Variants in ARHGAP4 observed in about 807,000 individuals in gnomAD.
ARHGAP4 encodes the protein Rho GTPase activating protein 4.
In ARHGAP4, 25 loss-of-function variants were observed where a neutral mutation model predicts 67.6. That is an observed-to-expected ratio of 0.37 (90% CI 0.27 to 0.52). The LOEUF is 0.52. Among genes scored for constraint, ARHGAP4 ranks in the 20% least tolerant of loss-of-function variants. The pLI is 0.92. For synonymous variants in ARHGAP4, 448 were observed against 373.7 expected, an observed-to-expected ratio of 1.20 and a Z score of -2.29; for missense variants, 804 against 854.6, an observed-to-expected ratio of 0.94 and a Z score of 0.74.
chrX:153,926,027 T>C, intron 1 of ARHGAP4, 109 bp downstream of exon 1: 2 of 1,052,358 alleles, frequency 1.9e-6, no homozygotes, highest in Non-Finnish European at 2.5e-6. Flanking sequence ...GCTCCAGAGG[T>C]CGCTGGGGAG....
chrX:153,909,385 T>C (rs2148517691), intron 20 of ARHGAP4, 58 bp downstream of exon 20: 1 of 1,091,145 alleles, frequency 9.2e-7, no homozygotes, highest in East Asian at 3.1e-5. Flanking sequence ...CTGACCCCAG[T>C]CCCCTCTGGC....
chrX:153,913,627 T>C, intron 8 of ARHGAP4, 27 bp from the exon 9 acceptor site: 1 of 1,188,225 alleles, frequency 8.4e-7, no homozygotes, highest in Non-Finnish European at 1.1e-6. Flanking sequence ...ACCAGGGTGG[T>C]AAGAGGTGGG....
chrX:153,921,321 C>T, intron 3 of ARHGAP4, 44 bp downstream of exon 3: 1 of 1,208,560 alleles, frequency 8.3e-7, no homozygotes. Flanking sequence ...CCTCCTGATC[C>T]CAAAGCCTCG....
intron 7 of ARHGAP4, chrX:153,914,201 G>T: frequency 3.6e-6 from 1 of 274,073 alleles, no homozygotes; most frequent in South Asian, 6.4e-5. Flanking sequence ...CAAATCCATA[G>T]AGACAGGAAG....
Position 153,909,742 on chromosome X carries a change from C to A in ARHGAP4, c.2413G>T (p.Gly805Trp), listed in dbSNP as rs200880463. 1 of 1,184,920 alleles carries A rather than the reference C, an allele frequency of 8.4e-7. No individual in the cohort carries two copies. The highest frequency in any genetic ancestry group is 1.1e-6 in the Non-Finnish European group (1 of 882,880). The part of the protein sequence containing the change: ...IPHKYITLPA[G>W]TEKQVVGAGL... Reference sequence around the variant, plus strand: ...GGCCTGAGGGCGCGGCTCACTCACCCGGCGGGCAGCGTGATATACTTGTGG... The same window carrying A: ...GGCCTGAGGGCGCGGCTCACTCACCAGGCGGGCAGCGTGATATACTTGTGG... The change falls in exon 19 of 22, where the codon GGG becomes TGG. Residue 805 changes from glycine to tryptophan, a missense_variant and splice_region_variant. Physicochemically the swap from Gly to Trp is radical, Grantham distance 184. This residue lies in a region of ARHGAP4 where 400 missense variants were observed against 348.7 expected (regional missense o/e 1.15). Transcript: ENST00000350060.
At chrX:153,913,982 C>A (rs782495569) in intron 7 of ARHGAP4, 103 bp from the exon 8 acceptor site, 2 of 722,685 alleles carry the variant, frequency 2.8e-6, no homozygotes, top group Non-Finnish European at 4.2e-6. Flanking sequence ...GGCCTGGCGG[C>A]CGGGCACAGG....
intron 5 of ARHGAP4, chrX:153,919,678 G>C (rs782280292): frequency 8.6e-7 from 1 of 1,159,697 alleles, no homozygotes; most frequent in South Asian, 1.9e-5. Context: ...GCCTCTGCGG[G>C]GGCCAGAGCT....
At chrX:153,916,791 T>C (rs2065058234) in intron 7 of ARHGAP4, among the ~76,000 whole-genome samples, 1 of 112,927 alleles carries the variant, frequency 8.9e-6, no homozygotes, top group Non-Finnish European at 1.9e-5. Context: ...ACAAAAAACA[T>C]TTCAGGCCGG....
At position 153,913,693 on chromosome X, in the gene ARHGAP4, G is replaced by A. The variant is rs2065037041; in HGVS notation, c.1134+85C>T. On this transcript the variant is annotated intron_variant, in intron 8 of 21. Coordinates refer to ENST00000350060, the MANE Select transcript of ARHGAP4 (RefSeq NM_001666.5). ...AGAAGGAAGGGGCCAAAGGGAGGGG[G>A]GCAGGCAGGGCAGCCACTTCCAACA... 7 of 1,152,971 alleles carry A rather than the reference G, an allele frequency of 6.1e-6. No individual in the cohort carries two copies. In the Admixed American group the frequency reaches 1.6e-4, roughly 26 times the overall value.
rs782459990 is a variant in ARHGAP4, at chrX:153,910,215, G to A, written c.2112C>T (p.Pro704=). The A allele has an allele frequency of 6.5e-5, 79 of 1,209,883 alleles. No homozygotes were observed. Among genetic ancestry groups the A allele is most frequent in the Non-Finnish European group, 8.5e-5 (76 of 895,157 alleles). Residue 704 remains proline (P), a synonymous_variant, in exon 17 of 22, where the codon CCC becomes CCT. Coordinates refer to ENST00000350060, the MANE Select transcript of ARHGAP4 (RefSeq NM_001666.5). The part of the protein sequence containing the change: ...VFPPLTSLPG[P]VYEKCMAPPS... Reference sequence around the variant, plus strand: ...GCGGTGCCATGCACTTCTCGTAGACGGGGCCAGGCAGCGAGGTCAGGGGCG... The same window carrying A: ...GCGGTGCCATGCACTTCTCGTAGACAGGGCCAGGCAGCGAGGTCAGGGGCG...
intron 20 of ARHGAP4, 49 bp downstream of exon 20, chrX:153,909,394 G>A: frequency 9.2e-7 from 1 of 1,089,032 alleles, no homozygotes; most frequent in Non-Finnish European, 1.2e-6. Flanking sequence ...GTCCCCTCTG[G>A]CCTAGAACAG....
rs1443804428 is a variant in ARHGAP4 at position 153,907,446 on chromosome X, C to G, written c.*283G>C. The stretch of plus-strand genomic sequence containing the variant: ...CCAGGCATCTGAGCAAGGGTACCCG[C>G]CACCCAGCAGCCACTGATCAGCCTT... On this transcript the variant is annotated 3_prime_UTR_variant, in exon 22 of 22. Transcript: ENST00000350060. 1 of 344,218 alleles carries G rather than the reference C, an allele frequency of 2.9e-6. No homozygotes were observed. 28.4% of individuals were successfully genotyped at this position (344,218 alleles called of 1,213,427 possible). A position where few individuals can be genotyped will look rare whatever the true frequency, so the allele number is the denominator to read the frequency against.
At position 153,909,745 on chromosome X, in the gene ARHGAP4, C is replaced by G; in HGVS notation, c.2410G>C (p.Ala804Pro). Reference sequence around the variant, plus strand: ...CTGAGGGCGCGGCTCACTCACCCGGCGGGCAGCGTGATATACTTGTGGGGG... The same window carrying G: ...CTGAGGGCGCGGCTCACTCACCCGGGGGGCAGCGTGATATACTTGTGGGGG... ...LIPHKYITLP[A>P]GTEKQVVGAG... is the part of the protein sequence containing the mutation. Residue 804 changes from alanine to proline, a missense_variant, in exon 19 of 22, where the codon GCC becomes CCC. Ala to Pro is a conservative substitution (Grantham distance 27, BLOSUM62 -1). Transcript: ENST00000350060. 8.4e-7 allele frequency: 1 copy of G among 1,186,832 alleles called. No homozygotes were observed. Among genetic ancestry groups the G allele is most frequent in the Non-Finnish European group, 1.1e-6 (1 of 883,882 alleles).
Position 153,909,442 on chromosome X carries a change from C to T in ARHGAP4, c.2507+1G>A. 8.4e-7 allele frequency: 1 copy of T among 1,195,488 alleles called. No individual in the cohort carries two copies. The highest frequency in any genetic ancestry group is 1.1e-6 in the Non-Finnish European group (1 of 886,869). On this transcript the variant is annotated splice_donor_variant, in intron 20 of 21. Coordinates refer to ENST00000350060, the MANE Select transcript of ARHGAP4 (RefSeq NM_001666.5). LOFTEE classifies it high-confidence loss of function. ...CCCCTGAGCCCCGTCTTCTTGCTCACCGGTGGACCAGCTCCGATGCCAGGA... is the reference window on the plus strand; with the variant it reads ...CCCCTGAGCCCCGTCTTCTTGCTCATCGGTGGACCAGCTCCGATGCCAGGA...
At position 153,910,924 on chromosome X, in the gene ARHGAP4, C is replaced by T; in HGVS notation, c.1679G>A (p.Arg560Lys). ...CCGCCCGCCCTGCCCGTCCCCACCT[C>T]TCTCGAAGGCATCACGGATCTCTGA... ...RVSEIRDAFE[R>K]GEDPLVEGCT... Residue 560 changes from arginine to lysine, a missense_variant and splice_region_variant, in exon 14 of 22, where the codon AGA (arginine) becomes AAA (lysine). This residue lies in a region of ARHGAP4 where 404 missense variants were observed against 505.9 expected (regional missense o/e 0.80). Coordinates refer to ENST00000350060, the MANE Select transcript of ARHGAP4 (RefSeq NM_001666.5). 1 of 1,159,865 alleles carries T rather than the reference C, an allele frequency of 8.6e-7. No individual in the cohort carries two copies. The highest frequency in any genetic ancestry group is 1.1e-6 in the Non-Finnish European group (1 of 870,141).
chrX:153,910,648 G>A (rs782083408), intron 15 of ARHGAP4, 37 bp from the exon 16 acceptor site: 20 of 1,184,439 alleles, frequency 1.7e-5, no homozygotes, highest in Admixed American at 7.0e-5. Flanking sequence ...CCGCGTGAGC[G>A]GGGCTGCCCC....
At position 153,907,864 on chromosome X, in the gene ARHGAP4, A is replaced by G; in HGVS notation, c.2706T>C (p.Pro902=). The change falls in exon 22 of 22, where the codon CCT becomes CCC. Residue 902 remains proline, a synonymous_variant. Coordinates refer to ENST00000350060, the MANE Select transcript of ARHGAP4 (RefSeq NM_001666.5). ...GCGGGGCCTTTGGGCTTCGGGGCCC[A>G]GGACTGGGAGAGGTGGTAGATGCTG... is the stretch of plus-strand genomic sequence containing the variant. ...LGPASTTSPS[P]GPRSPKAPPS... is the part of the protein sequence containing the mutation. 3.9e-6 allele frequency: 4 copies of G among 1,028,424 alleles called. No homozygotes were observed. Among genetic ancestry groups the G allele is most frequent in the Non-Finnish European group, 5.0e-6 (4 of 798,598 alleles). 84.8% of individuals were successfully genotyped at this position (1,028,424 alleles called of 1,213,427 possible).
chrX:153,913,638 G>A (rs1557103819), intron 8 of ARHGAP4, 38 bp from the exon 9 acceptor site: 1 of 1,180,904 alleles, frequency 8.5e-7, no homozygotes, highest in East Asian at 3.0e-5. Flanking sequence ...AAGAGGTGGG[G>A]GACAGGGAGG....
At chrX:153,913,095 C>A (rs2065032061) in intron 10 of ARHGAP4, 44 bp from the exon 11 acceptor site, 1 of 1,175,543 alleles carries the variant, frequency 8.5e-7, no homozygotes, top group Non-Finnish European at 1.1e-6. Context: ...GGCCAGGGGT[C>A]TTCAAGGCAT....
Sources: gnomAD v4.1 joint callset for allele counts (sites outside exome capture counted in the v4.1 genomes callset) on GRCh38, gnomAD v4.1.1 for gene constraint, gnomAD v4.1.1 regional missense constraint, MANE v1.5 for transcripts, NCBI Gene and HGNC (gene_info 2026-07-23, HGNC 2026-07-21) for gene names.